The following DLG5 variants were observed in gnomAD, a reference collection of about 807,000 sequenced individuals.
The protein encoded by DLG5 is disks large homolog 5.
A neutral mutation model predicts 189.8 loss-of-function variants in DLG5; 48 were observed. The observed-to-expected ratio is 0.25, with a 90% CI of 0.20 to 0.32. DLG5 has a LOEUF of 0.32. DLG5 is among the 10% of genes least tolerant of loss of function. The pLI, the probability that DLG5 is intolerant of heterozygous loss-of-function variation, is 1.00. For synonymous variants in DLG5, 1,016 were observed against 1,054.1 expected, an observed-to-expected ratio of 0.96 and a Z score of 0.70; for missense variants, 2,160 against 2,544.7, an observed-to-expected ratio of 0.85 and a Z score of 3.25.
chr10:77,893,392 AC>A (rs1224260128), intron 1 of DLG5, among the ~76,000 whole-genome samples: 5 of 152,168 alleles, frequency 3.3e-5, no homozygotes, highest in Admixed American at 6.5e-5. Flanking sequence ...CTCCTCCATA[AC>A]CCTGTTAGGT....
At chr10:77,821,056 C>T (rs1842320999) in intron 15 of DLG5, 26 bp downstream of exon 15, 1 of 1,576,270 alleles carries the variant, frequency 6.3e-7, no homozygotes, top group African/African-American at 1.3e-5. Flanking sequence ...GGCCTCCCCT[C>T]CCCACACCCT....
chr10:77,804,484 C>T (rs925304827), intron 27 of DLG5, among the ~76,000 whole-genome samples: 1 of 152,204 alleles, frequency 6.6e-6, no homozygotes, highest in African/African-American at 2.4e-5. Context: ...TTGTAAAAAG[C>T]GAAGAGAGGG....
chr10:77,852,842 A>C (rs878898220), intron 5 of DLG5, among the ~76,000 whole-genome samples: 1 of 152,226 alleles, frequency 6.6e-6, no homozygotes, highest in Admixed American at 6.5e-5. Flanking sequence ...CTGATATAGA[A>C]ATACAGATAT....
chr10:77,912,281 G>T (rs953650773), intron 1 of DLG5: 8 of 151,564 alleles, frequency 5.3e-5, no homozygotes, highest in African/African-American at 1.9e-4. Context: ...ATGGGGTAGG[G>T]TCTCACTATG....
intron 1 of DLG5, among the ~76,000 whole-genome samples, chr10:77,884,631 G>T (rs746956992): frequency 5.3e-5 from 8 of 152,170 alleles, no homozygotes; most frequent in Admixed American, 1.3e-4. Context: ...TCCTTTAAAT[G>T]ACTGTGACTC....
intron 2 of DLG5, among the ~76,000 whole-genome samples, chr10:77,858,256 G>A (rs1444967123): frequency 3.3e-5 from 5 of 152,046 alleles, no homozygotes; most frequent in Non-Finnish European, 5.9e-5. Context: ...CCACATGTAG[G>A]ATGTGGTCCC....
In DLG5 at chr10:77,796,787, T is replaced by C. The variant is rs1016893254; in HGVS notation, c.5165-193A>G. Among the ~76,000 whole-genome samples, 1 of 152,180 alleles carries C rather than the reference T, an allele frequency of 6.6e-6. No homozygotes were observed. The highest frequency in any genetic ancestry group is 1.5e-5 in the Non-Finnish European group (1 of 68,018). ...TGGAGTCCAGCATGAGCACCCCCCA[T>C]GCCCTCTGTGAACACCAGAGGCAGC... On this transcript the variant is annotated intron_variant, in intron 27 of 31. Coordinates refer to ENST00000372391, the MANE Select transcript of DLG5 (RefSeq NM_004747.4). This position sits in a 1 kb window ranked among gnomAD's most constrained non-coding sequence, Gnocchi z 5.2.
intron 1 of DLG5, among the ~76,000 whole-genome samples, chr10:77,916,327 G>C (rs2131851068): frequency 6.6e-6 from 1 of 151,986 alleles, no homozygotes; most frequent in South Asian, 2.1e-4. Flanking sequence ...TTTCGCTCTT[G>C]TTGCCCAGGC....
intron 2 of DLG5, chr10:77,866,884 C>G (rs1207416611): frequency 2.3e-6 from 1 of 431,746 alleles, no homozygotes; most frequent in Non-Finnish European, 4.7e-6. Context: ...CAATCTCAAG[C>G]AGAAGAGCAA....
At chr10:77,814,023 G>A (rs534957626) in intron 20 of DLG5, among the ~76,000 whole-genome samples, 10 of 152,148 alleles carry the variant, frequency 6.6e-5, no homozygotes, top group African/African-American at 2.4e-4. Flanking sequence ...CTGTCACCCA[G>A]GGTGGAGTGC....
chr10:77,795,012 C>G, intron 29 of DLG5, 54 bp from the exon 30 acceptor site: 1 of 1,466,354 alleles, frequency 6.8e-7, no homozygotes, highest in Admixed American at 1.8e-5. Flanking sequence ...GCAGCCAGCC[C>G]CCTGTCCTGC....
At chr10:77,879,684 CT>C (rs1845215661) in intron 1 of DLG5, among the ~76,000 whole-genome samples, 1 of 151,060 alleles carries the variant, frequency 6.6e-6, no homozygotes, top group Non-Finnish European at 1.5e-5. Context: ...CTGAAAGGAT[CT>C]GCTCATAGGC....
At chr10:77,931,469 C>T (rs1846785642), upstream of DLG5, among the ~76,000 whole-genome samples, 1 of 151,534 alleles carries the variant, frequency 6.6e-6, no homozygotes, top group Non-Finnish European at 1.5e-5. Context: ...AGGCTAGGTT[C>T]AAACTCCTGG....
At chr10:77,811,475 A>G (rs998937483) in intron 22 of DLG5, among the ~76,000 whole-genome samples, 4 of 151,984 alleles carry the variant, frequency 2.6e-5, no homozygotes, top group African/African-American at 9.7e-5. Context: ...GGAAGCTGTG[A>G]GCATCCTGTC....
Position 77,842,027 on chromosome 10 carries a change from C to T in DLG5, c.1291G>A (p.Glu431Lys), listed in dbSNP as rs1168266363. The T allele has an allele frequency of 6.2e-7, 1 of 1,614,224 alleles. No individual in the cohort carries two copies. The highest frequency in any genetic ancestry group is 1.7e-5 in the Admixed American group (1 of 60,038). Residue 431 changes from glutamate to lysine, a missense_variant, in exon 7 of 32, where the codon GAG becomes AAG. This residue lies in a region of DLG5 where 664 missense variants were observed against 838.5 expected (regional missense o/e 0.79). Transcript: ENST00000372391. ...YREERDAVYS[E>K]YKLIMSERDQ... The stretch of plus-strand genomic sequence containing the variant: ...CGCTCACTCATGATGAGCTTGTACT[C>T]GCTGTACACAGCGTCCCGCTCCTCC...
chr10:77,914,717 T>A (rs748813409), intron 1 of DLG5, among the ~76,000 whole-genome samples: 4 of 152,062 alleles, frequency 2.6e-5, no homozygotes, highest in Non-Finnish European at 4.4e-5. Flanking sequence ...CCCCACCTCC[T>A]AGCCCAGAAC....
At chr10:77,872,297 T>C (rs1844932195) in intron 1 of DLG5, among the ~76,000 whole-genome samples, 1 of 152,190 alleles carries the variant, frequency 6.6e-6, no homozygotes, top group Non-Finnish European at 1.5e-5. Context: ...CTGTGGCAAG[T>C]TTCCACTGTT....
At chr10:77,880,479 A>C (rs1845244796) in intron 1 of DLG5, among the ~76,000 whole-genome samples, 1 of 152,120 alleles carries the variant, frequency 6.6e-6, no homozygotes, top group Admixed American at 6.5e-5. Context: ...ACAAACAAAC[A>C]AACAAACTGA....
chr10:77,938,917 AGT>A, the DLG5 span, among the ~76,000 whole-genome samples: 1 of 152,204 alleles, frequency 6.6e-6, no homozygotes, highest in Admixed American at 6.5e-5. Flanking sequence ...GGCCCGGTGC[AGT>A]GGCTCACGCC....
Sources: allele counts gnomAD v4.1 joint callset (sites outside exome capture counted in the v4.1 genomes callset), GRCh38; gene constraint gnomAD v4.1.1; regional missense constraint gnomAD v4.1.1; non-coding constraint Gnocchi (gnomAD v3.1); transcripts MANE v1.5; gene names NCBI Gene and HGNC (gene_info 2026-07-23, HGNC 2026-07-21).